SORCS2: variants seen among roughly 807,000 people sequenced by gnomAD.
SORCS2 encodes the protein VPS10 domain-containing receptor SorCS2.
Under a neutral mutation model 141.6 loss-of-function variants are expected in SORCS2, and 100 were observed. That is an observed-to-expected ratio of 0.71 (90% confidence interval 0.60 to 0.83). The LOEUF (loss-of-function observed/expected upper bound fraction) is 0.83, where lower values mean the gene tolerates loss of function less well. Ranked by LOEUF, SORCS2 falls within the 40% of genes least tolerant of loss-of-function variation. The probability of loss-of-function intolerance (pLI) is 0.00; values close to 1 mark genes in which losing one functional copy is unlikely to be tolerated. For synonymous variants in SORCS2, 789 were observed against 676.9 expected (o/e 1.17, Z -2.57); for missense variants, 1,646 against 1,560.2 (o/e 1.05, Z -0.93).
In SORCS2 at chr4:7,487,128, T is replaced by A. The variant is rs967364530; in HGVS notation, c.549-44402T>A. Among the ~76,000 whole-genome samples the A allele has an allele frequency of 2.6e-5, 4 of 152,270 alleles. No individual in the cohort carries two copies. The South Asian group carries it at 8.3e-4, about 32-fold the overall frequency. On this transcript the variant is annotated intron_variant, in intron 2 of 26. Transcript: ENST00000507866. ...AGCCCACCCTCCCGGGTGGTAACGA[T>A]GTGACTCACCCTCCATGTGCGTGCT...
At chr4:7,375,433 G>A (rs1308725016) in intron 1 of SORCS2, among the ~76,000 whole-genome samples, 7 of 152,172 alleles carry the variant, frequency 4.6e-5, no homozygotes, top group East Asian at 1.9e-4. Context: ...GCCTTGCAGC[G>A]TTGCGGGGCC....
intron 18 of SORCS2, among the ~76,000 whole-genome samples, chr4:7,719,658 C>T (rs892231446): frequency 6.6e-6 from 1 of 152,024 alleles, no homozygotes; most frequent in African/African-American, 2.4e-5. Context: ...AGGACAGAGC[C>T]GCTGCCCCGC....
At position 7,373,478 on chromosome 4, in the gene SORCS2, A is replaced by ATTTTTTTTTTTTTTT. The variant is rs71173496; in HGVS notation, c.481-22796_481-22782dup. On this transcript the variant is annotated intron_variant, in intron 1 of 26. Transcript: ENST00000507866. ...AACTTTTATATATATATATATATAT[A>ATTTTTTTTTTTTTTT]TTTTTTTTTTTTTTTTTTTTTTTTT... Among the ~76,000 whole-genome samples the ATTTTTTTTTTTTTTT allele has an allele frequency of 1.1e-4, 4 of 36,816 alleles. 1 individual carries two copies. The highest frequency in any genetic ancestry group is 1.7e-4 in the Non-Finnish European group (4 of 24,124). 24.2% of individuals were successfully genotyped at this position (36,816 alleles called of 152,430 possible).
chr4:7,265,803 G>A (rs528645781), intron 1 of SORCS2, among the ~76,000 whole-genome samples: 1 of 152,200 alleles, frequency 6.6e-6, no homozygotes, highest in Non-Finnish European at 1.5e-5. Context: ...ATCAGGACAC[G>A]GACATCTCTT....
intron 2 of SORCS2, among the ~76,000 whole-genome samples, chr4:7,489,031 G>A (rs774275373): frequency 6.6e-6 from 1 of 152,080 alleles, no homozygotes; most frequent in Non-Finnish European, 1.5e-5. Flanking sequence ...CCTCCTATAT[G>A]GTCAGCAGCA....
chr4:7,492,182 A>G (rs4572882), intron 2 of SORCS2, among the ~76,000 whole-genome samples: 143,982 of 152,328 alleles, frequency 0.95, 68,316 homozygotes, highest in East Asian at 1. Context: ...AGGGCTGCCC[A>G]CCTCCCGCCA....
chr4:7,557,815 T>G (rs958578560), intron 3 of SORCS2, among the ~76,000 whole-genome samples: 2 of 152,154 alleles, frequency 1.3e-5, no homozygotes, highest in African/African-American at 2.4e-5. Flanking sequence ...GAAATGGAAG[T>G]GGGGGCACGG....
intron 1 of SORCS2, among the ~76,000 whole-genome samples, chr4:7,328,566 G>A (rs913718549): frequency 2.6e-5 from 4 of 152,152 alleles, no homozygotes; most frequent in African/African-American, 7.2e-5. Context: ...AGTGGAGTTC[G>A]TTCATTCATC....
intron 2 of SORCS2, among the ~76,000 whole-genome samples, chr4:7,495,737 G>T (rs13119122): frequency 6.6e-6 from 1 of 152,206 alleles, no homozygotes; most frequent in Non-Finnish European, 1.5e-5. Flanking sequence ...CCTGATGCCT[G>T]GGCCTAGGCT....
At chr4:7,723,090 C>T (rs1182942743) in intron 18 of SORCS2, among the ~76,000 whole-genome samples, 1 of 152,124 alleles carries the variant, frequency 6.6e-6, no homozygotes, top group Non-Finnish European at 1.5e-5. Context: ...GATGGTGGAG[C>T]GGCCTCTCTG....
At chr4:7,288,879 C>T (rs1413863791) in intron 1 of SORCS2, among the ~76,000 whole-genome samples, 1 of 151,942 alleles carries the variant, frequency 6.6e-6, no homozygotes, top group East Asian at 1.9e-4. Flanking sequence ...GCCCAGGTAC[C>T]ACCTCCTCCA....
At chr4:7,308,476 A>G (rs1717975841) in intron 1 of SORCS2, among the ~76,000 whole-genome samples, 1 of 152,056 alleles carries the variant, frequency 6.6e-6, no homozygotes. Flanking sequence ...TGCCAGGTTG[A>G]CCCTTACATG....
At chr4:7,574,750 G>A (rs1715635382) in intron 3 of SORCS2, among the ~76,000 whole-genome samples, 1 of 152,204 alleles carries the variant, frequency 6.6e-6, no homozygotes, top group South Asian at 2.1e-4. Context: ...ATGAGCAGGA[G>A]GAAGGGCGGC....
At chr4:7,601,362 G>C (rs1455339767) in intron 3 of SORCS2, among the ~76,000 whole-genome samples, 1 of 151,120 alleles carries the variant, frequency 6.6e-6, no homozygotes, top group Admixed American at 6.6e-5. Flanking sequence ...CAGTAGTAGT[G>C]CAACTTAAAC....
chr4:7,433,469 C>T lies in SORCS2; in HGVS notation c.548+37114C>T, dbSNP rs200338688. ...GTGCCCAGCAGTGGGGTCCTGGGGC[C>T]GTGGCAGGCCCCCACCTTCTTGCAC... is the stretch of plus-strand genomic sequence containing the variant. On this transcript the variant is annotated intron_variant, in intron 2 of 26. Transcript: ENST00000507866. The T allele has an allele frequency of 6.9e-5, 109 of 1,570,448 alleles. 1 individual carries two copies. Among genetic ancestry groups the T allele is most frequent in the Admixed American group, 4.4e-4 (24 of 54,866 alleles).
At chr4:7,260,935 C>T (rs1714278078) in intron 1 of SORCS2, among the ~76,000 whole-genome samples, 2 of 152,220 alleles carry the variant, frequency 1.3e-5, no homozygotes, top group Admixed American at 1.3e-4. Context: ...GGAGAGTCAT[C>T]CTTGAGGCGC....
At chr4:7,262,749 C>A (rs1714446438) in intron 1 of SORCS2, among the ~76,000 whole-genome samples, 1 of 152,124 alleles carries the variant, frequency 6.6e-6, no homozygotes, top group African/African-American at 2.4e-5. Flanking sequence ...ACACGACCTC[C>A]ACACAGCCCT....
intron 9 of SORCS2, among the ~76,000 whole-genome samples, chr4:7,676,919 TCTCC>T (rs1426639831): frequency 9.2e-5 from 4 of 43,430 alleles, no homozygotes; most frequent in Admixed American, 2.5e-4. Context: ...TCTCTCCCTC[TCTCC>T]CTCTCTCCCT....
chr4:7,289,682 C>T (rs763938097), intron 1 of SORCS2, among the ~76,000 whole-genome samples: 57 of 152,112 alleles, frequency 3.7e-4, no homozygotes, highest in Non-Finnish European at 7.1e-4. Flanking sequence ...TAAAGCTCTG[C>T]GGGGAGTTTT....
Sources: gnomAD v4.1 joint callset for allele counts (sites outside exome capture counted in the v4.1 genomes callset) on GRCh38, gnomAD v4.1.1 for gene constraint, MANE v1.5 for transcripts, NCBI Gene and HGNC (gene_info 2026-07-23, HGNC 2026-07-21) for gene names.